Variants in HEXB observed in about 807,000 individuals in gnomAD.
The protein encoded by HEXB is beta-hexosaminidase subunit beta.
In HEXB, 51 loss-of-function variants were observed where a neutral mutation model predicts 71.2. The ratio of observed to expected loss-of-function variants is 0.72; its 90% CI spans 0.57 to 0.90. HEXB has a LOEUF of 0.90. Among genes scored for constraint, HEXB ranks in the 40% least tolerant of loss-of-function variants. The probability of loss-of-function intolerance (pLI) is 0.00; values close to 1 mark genes in which losing one functional copy is unlikely to be tolerated. For synonymous variants in HEXB, 266 were observed against 249.3 expected (o/e 1.07, Z -0.63); for missense variants, 617 against 677.0 (o/e 0.91, Z 0.98).
chr5:74,717,979 C>T (rs1749717859), intron 9 of HEXB, among the ~76,000 whole-genome samples: 1 of 152,160 alleles, frequency 6.6e-6, no homozygotes, highest in South Asian at 2.1e-4. Flanking sequence ...TAAGAGATTG[C>T]TGTTTGTACA....
intron 1 of HEXB, among the ~76,000 whole-genome samples, chr5:74,679,990 A>T (rs80186841): frequency 6.6e-6 from 1 of 151,954 alleles, no homozygotes; most frequent in African/African-American, 2.4e-5. Context: ...ATATTTTAAC[A>T]GTATGACTGA....
chr5:74,718,279 T>G lies in HEXB; in HGVS notation c.1170-12T>G, dbSNP rs1561227737. The G allele has an allele frequency of 6.6e-7, 1 of 1,524,256 alleles. No homozygotes were observed. Among genetic ancestry groups the G allele is most frequent in the Admixed American group, 1.7e-5 (1 of 59,902 alleles). The allele number at this position is 1,524,256 out of a possible 1,614,324, so 94.4% of individuals were successfully genotyped here. A position where few individuals can be genotyped will look rare whatever the true frequency, so the allele number is the denominator to read the frequency against. On this transcript the variant is annotated splice_polypyrimidine_tract_variant and intron_variant, in intron 9 of 13. Transcript: ENST00000261416. ...ATGATCTAAAATAACTATAATTTTT[T>G]TGTAATACTAGGGTTTTGGATATTA...
At chr5:74,684,040 C>G (rs1248906690), upstream of HEXB, among the ~76,000 whole-genome samples, 2 of 152,110 alleles carry the variant, frequency 1.3e-5, no homozygotes, top group East Asian at 1.9e-4. Flanking sequence ...AGGCTGGTCT[C>G]GAACTCCTGA....
chr5:74,650,840 G>A (rs888749992), intron 1 of HEXB, among the ~76,000 whole-genome samples: 16 of 148,922 alleles, frequency 1.1e-4, no homozygotes, highest in African/African-American at 4.0e-4. Flanking sequence ...GGAGGAGAAT[G>A]GCGTGAACCT....
chr5:74,685,589 T>G (rs756184674), intron 1 of HEXB, 30 bp downstream of exon 1: 3 of 1,521,998 alleles, frequency 2.0e-6, no homozygotes, highest in Non-Finnish European at 2.6e-6. Flanking sequence ...CCGGGAGTTG[T>G]CCTGGGGGAG....
chr5:74,643,832 G>C (rs758256374), intron 1 of HEXB, among the ~76,000 whole-genome samples: 3 of 152,154 alleles, frequency 2.0e-5, no homozygotes, highest in Admixed American at 1.3e-4. Flanking sequence ...TCCTGCCTCC[G>C]GTGGTCTCCT....
intron 1 of HEXB, among the ~76,000 whole-genome samples, chr5:74,671,740 AT>A (rs1748543853): frequency 6.6e-6 from 1 of 152,146 alleles, no homozygotes; most frequent in Non-Finnish European, 1.5e-5. Context: ...ATACTTGCTG[AT>A]TCTTTTCTAA....
chr5:74,699,049 G>A (rs1749185637), intron 5 of HEXB, among the ~76,000 whole-genome samples: 1 of 151,920 alleles, frequency 6.6e-6, no homozygotes, highest in African/African-American at 2.4e-5. Context: ...GCCAGGCGTG[G>A]TGGTGCACGC....
At position 74,704,443 on chromosome 5, in the gene HEXB, A is replaced by G. The variant is rs186711505; in HGVS notation, c.670-776A>G. Among the ~76,000 whole-genome samples, 825 of 152,290 alleles carry G rather than the reference A, an allele frequency of 5.4e-3. 6 individuals are homozygous for G. Among genetic ancestry groups the G allele is most frequent in the South Asian group, 0.011 (52 of 4,830 alleles). ...TTGGTTATTCCTCTAGAGTATATAT[A>G]AAATTAATAACTCAATTTGCCCAAA... On this transcript the variant is annotated intron_variant, in intron 5 of 13. Coordinates refer to ENST00000261416, the MANE Select transcript of HEXB (RefSeq NM_000521.4).
chr5:74,664,429 C>T (rs1748393305), intron 1 of HEXB, among the ~76,000 whole-genome samples: 1 of 60,990 alleles, frequency 1.6e-5, no homozygotes, highest in Admixed American at 2.2e-4. Context: ...GATTCTATCT[C>T]TAAAAAAAAA....
At chr5:74,644,507 A>G (rs1264941758) in intron 1 of HEXB, among the ~76,000 whole-genome samples, 1 of 152,180 alleles carries the variant, frequency 6.6e-6, no homozygotes, top group Non-Finnish European at 1.5e-5. Flanking sequence ...TCTTATTTTT[A>G]AAAAGAGAGA....
intron 1 of HEXB, among the ~76,000 whole-genome samples, chr5:74,657,813 T>G (rs753100873): frequency 1.7e-4 from 26 of 152,232 alleles, no homozygotes; most frequent in Non-Finnish European, 1.3e-4. Context: ...GTGCCTCACA[T>G]GTCATGTGGC....
Position 74,641,725 on chromosome 5 carries a change from C to T in HEXB, c.-377+1167C>T, listed in dbSNP as rs1191055638. 6.6e-6 allele frequency among the ~76,000 whole-genome samples: 1 copy of T among 152,194 alleles called. No homozygotes were observed. On this transcript the variant is annotated intron_variant, in intron 1 of 13. Coordinates refer to the HEXB transcript ENST00000511181. The surrounding 1 kb of genome is among the most constrained non-coding windows in gnomAD (Gnocchi z 4.1). ...TAATCTCGCGTGGTGATCACTTTTA[C>T]GAATCCCATTTATCTTTGCAACTAG... is the stretch of plus-strand genomic sequence containing the variant.
intron 5 of HEXB, among the ~76,000 whole-genome samples, chr5:74,704,346 G>A (rs1244679783): frequency 6.6e-6 from 1 of 152,018 alleles, no homozygotes; most frequent in Non-Finnish European, 1.5e-5. Context: ...TGATGATCTT[G>A]TTGGACAAAT....
chr5:74,700,999 T>C (rs820838), intron 5 of HEXB, among the ~76,000 whole-genome samples: 87,085 of 151,872 alleles, frequency 0.57, 27,029 homozygotes, highest in South Asian at 0.74. Flanking sequence ...TGAGCCCCCA[T>C]GCCTGGCAAA....
In HEXB at chr5:74,715,529, T is replaced by TC; in HGVS notation, c.923dup (p.Cys309MetfsTer4). The TC allele has an allele frequency of 1.9e-6, 3 of 1,611,242 alleles. No individual in the cohort carries two copies. Among genetic ancestry groups the TC allele is most frequent in the Non-Finnish European group, 2.5e-6 (3 of 1,177,456 alleles). On this transcript the variant is annotated frameshift_variant, in exon 8 of 14. Coordinates refer to ENST00000261416, the MANE Select transcript of HEXB (RefSeq NM_000521.4). LOFTEE classifies it high-confidence loss of function. ...TTCTAGGTCAGAAAGACCTCCTGAC[T>TC]CCATGTTACAGTAGACAAAACAAGT... is the stretch of plus-strand genomic sequence containing the variant.
intron 11 of HEXB, 84 bp downstream of exon 11, chr5:74,719,055 G>T: frequency 7.2e-7 from 1 of 1,382,590 alleles, no homozygotes; most frequent in African/African-American, 1.4e-5. Flanking sequence ...TTTGTTTTAT[G>T]AGTTTTCTTC....
chr5:74,645,337 G>T (rs1488228562), intron 1 of HEXB, among the ~76,000 whole-genome samples: 1 of 152,190 alleles, frequency 6.6e-6, no homozygotes, highest in Non-Finnish European at 1.5e-5. Context: ...GAGTAGCTGG[G>T]ACTGCAAGCG....
intron 6 of HEXB, among the ~76,000 whole-genome samples, chr5:74,708,641 C>T (rs113181759): frequency 6.6e-6 from 1 of 151,958 alleles, no homozygotes; most frequent in Non-Finnish European, 1.5e-5. Flanking sequence ...GGTTGCAATC[C>T]TAGTCTCTGA....
Sources: gnomAD v4.1 joint callset for allele counts (sites outside exome capture counted in the v4.1 genomes callset) on GRCh38, gnomAD v4.1.1 for gene constraint, Gnocchi (gnomAD v3.1) non-coding constraint, MANE v1.5 for transcripts, NCBI Gene and HGNC (gene_info 2026-07-23, HGNC 2026-07-21) for gene names.